The following EDARADD variants were observed in gnomAD, a reference collection of about 807,000 sequenced individuals.
The protein encoded by EDARADD is EDAR associated via death domain, also known as ectodysplasin-A receptor-associated adapter protein.
In EDARADD, 20 loss-of-function variants were observed where a neutral mutation model predicts 25.6. The observed-to-expected ratio is 0.78, with a 90% CI of 0.55 to 1.14. EDARADD has a LOEUF of 1.14. Among genes scored for constraint, EDARADD ranks in the 50% most tolerant of loss-of-function variants. The probability of loss-of-function intolerance (pLI) is 0.00; values close to 1 mark genes in which losing one functional copy is unlikely to be tolerated. For synonymous variants in EDARADD, 86 were observed against 94.4 expected, an observed-to-expected ratio of 0.91 and a Z score of 0.52; for missense variants, 225 against 270.1, an observed-to-expected ratio of 0.83 and a Z score of 1.17.
At chr1:236,407,070 G>A (rs764083022) in intron 1 of EDARADD, among the ~76,000 whole-genome samples, 2 of 152,196 alleles carry the variant, frequency 1.3e-5, no homozygotes, top group African/African-American at 4.8e-5. Context: ...GTCCCTTAGG[G>A]CCACACAGGA....
At chr1:236,479,494 CA>C (rs924710136) in intron 5 of EDARADD, among the ~76,000 whole-genome samples, 12 of 135,656 alleles carry the variant, frequency 8.8e-5, no homozygotes, top group African/African-American at 1.3e-4. Context: ...GACCCTGTCT[CA>C]AAAAAAAAGA....
At chr1:236,367,130 C>T (rs1667119903) in intron 3 of EDARADD, among the ~76,000 whole-genome samples, 1 of 131,268 alleles carries the variant, frequency 7.6e-6, no homozygotes, top group Admixed American at 7.5e-5. Context: ...ACTACATTTT[C>T]ACAGATCTTC....
intron 3 of EDARADD, among the ~76,000 whole-genome samples, chr1:236,387,293 A>C (rs74515402): frequency 0.18 from 775 of 4,198 alleles, 280 homozygotes; most frequent in African/African-American, 0.7. Flanking sequence ...AGCCCCTCTG[A>C]CCAGCCAGCC....
chr1:236,404,155 A>G (rs942546951), intron 1 of EDARADD, among the ~76,000 whole-genome samples: 2 of 152,228 alleles, frequency 1.3e-5, no homozygotes, highest in African/African-American at 4.8e-5. Flanking sequence ...ATTAGATATC[A>G]GAGCCTTGCC....
chr1:236,421,964 G>A (rs1657796184), intron 3 of EDARADD, among the ~76,000 whole-genome samples: 1 of 152,170 alleles, frequency 6.6e-6, no homozygotes, highest in South Asian at 2.1e-4. Context: ...TGACCAGGAG[G>A]GAGAGGGCCA....
intron 2 of EDARADD, among the ~76,000 whole-genome samples, chr1:236,349,847 C>T (rs2102988979): frequency 6.6e-6 from 1 of 152,292 alleles, no homozygotes; most frequent in South Asian, 2.1e-4. Flanking sequence ...CGCGGTGGCT[C>T]ACGCCTGTAT....
chr1:236,357,391 C>T (rs1481193622), intron 3 of EDARADD, among the ~76,000 whole-genome samples: 3 of 152,118 alleles, frequency 2.0e-5, no homozygotes, highest in Non-Finnish European at 2.9e-5. Context: ...CTCAGTTCTG[C>T]GGGCTATACA....
chr1:236,398,787 A>G lies in EDARADD; in HGVS notation c.61+4282A>G, dbSNP rs928620434. ...GCCCGATGTTATACATGCTCAGCAA[A>G]CCCTGTACCTTTCCTTTCTGGCACC... On this transcript the variant is annotated intron_variant, in intron 1 of 5. Transcript: ENST00000334232. The surrounding 1 kb of genome is among the most constrained non-coding windows in gnomAD (Gnocchi z 4.1). 1.3e-5 allele frequency among the ~76,000 whole-genome samples: 2 copies of G among 152,156 alleles called. No individual in the cohort carries two copies. The highest frequency in any genetic ancestry group is 6.5e-5 in the Admixed American group (1 of 15,274).
intron 3 of EDARADD, among the ~76,000 whole-genome samples, chr1:236,373,118 T>C (rs1172482591): frequency 1.3e-5 from 2 of 152,024 alleles, no homozygotes; most frequent in Non-Finnish European, 2.9e-5. Flanking sequence ...GGTTTCACCA[T>C]GTTAGCCAGC....
chr1:236,438,679 G>A (rs778119741), intron 4 of EDARADD, among the ~76,000 whole-genome samples: 4 of 151,948 alleles, frequency 2.6e-5, no homozygotes, highest in Admixed American at 6.6e-5. Context: ...TTTTTAATAC[G>A]CTTTACGTTT....
At chr1:236,351,087 C>G (rs1666910528) in intron 3 of EDARADD, among the ~76,000 whole-genome samples, 1 of 151,984 alleles carries the variant, frequency 6.6e-6, no homozygotes, top group Non-Finnish European at 1.5e-5. Flanking sequence ...TGTGGTGAGC[C>G]ATGATTACAC....
rs10925129 is a variant in EDARADD at position 236,449,442 on chromosome 1, G to A, written c.220-18789G>A. On this transcript the variant is annotated intron_variant, in intron 4 of 5. Transcript: ENST00000334232. ...AGACGTTTATTAAATGGAATGGATG[G>A]ATGAATACATAAGTCTTAGCATCCA... Among the ~76,000 whole-genome samples the A allele has an allele frequency of 8.3e-3, 1,261 of 152,272 alleles. 24 individuals are homozygous for A. Among genetic ancestry groups the A allele is most frequent in the African/African-American group, 0.028 (1,177 of 41,562 alleles).
intron 3 of EDARADD, among the ~76,000 whole-genome samples, chr1:236,379,093 G>T (rs1356107521): frequency 6.6e-6 from 1 of 152,200 alleles, no homozygotes; most frequent in African/African-American, 2.4e-5. Context: ...AAGTCAGTCG[G>T]GCGCGGTGGC....
intron 4 of EDARADD, among the ~76,000 whole-genome samples, chr1:236,451,755 T>C (rs1658719221): frequency 1.3e-5 from 2 of 152,146 alleles, no homozygotes; most frequent in South Asian, 4.1e-4. Context: ...AGCTCAGGCC[T>C]GATCTGAAAT....
At chr1:236,391,873 G>A (rs1667430425), upstream of EDARADD, among the ~76,000 whole-genome samples, 1 of 152,190 alleles carries the variant, frequency 6.6e-6, no homozygotes, top group African/African-American at 2.4e-5. Flanking sequence ...GTGCCCATGA[G>A]TTAAAGCCTC....
intron 4 of EDARADD, among the ~76,000 whole-genome samples, chr1:236,451,935 C>T (rs1342484983): frequency 6.6e-6 from 1 of 152,178 alleles, no homozygotes; most frequent in Non-Finnish European, 1.5e-5. Flanking sequence ...ATACACCTTG[C>T]ACCTCTTACC....
chr1:236,410,571 C>T (rs1657440277), intron 2 of EDARADD, among the ~76,000 whole-genome samples: 1 of 152,150 alleles, frequency 6.6e-6, no homozygotes, highest in Non-Finnish European at 1.5e-5. Context: ...GACCGGAGCC[C>T]TGTGCTCCTG....
chr1:236,452,117 G>A (rs1658729685), intron 4 of EDARADD, among the ~76,000 whole-genome samples: 1 of 152,198 alleles, frequency 6.6e-6, no homozygotes, highest in South Asian at 2.1e-4. Flanking sequence ...AGTACCCACA[G>A]TCCACAAGAA....
intron 4 of EDARADD, among the ~76,000 whole-genome samples, chr1:236,464,450 T>TTTG (rs1659132897): frequency 5.9e-5 from 8 of 136,074 alleles, no homozygotes; most frequent in African/African-American, 2.5e-4. Context: ...TTTTTTTTTT[T>TTTG]GAGACAGAAT....
Sources: allele counts gnomAD v4.1 joint callset (sites outside exome capture counted in the v4.1 genomes callset), GRCh38; gene constraint gnomAD v4.1.1; non-coding constraint Gnocchi (gnomAD v3.1); transcripts MANE v1.5; gene names NCBI Gene and HGNC (gene_info 2026-07-23, HGNC 2026-07-21).